Variants in SLC22A24 observed in about 807,000 individuals in gnomAD.
The protein encoded by SLC22A24 is solute carrier family 22 member 24, also known as steroid transmembrane transporter SLC22A24.
Under a neutral mutation model 49.8 loss-of-function variants are expected in SLC22A24, and 53 were observed. The observed-to-expected ratio is 1.06, with a 90% CI of 0.85 to 1.34. The LOEUF is 1.34. SLC22A24 is among the 40% of genes most tolerant of loss of function. The pLI, the probability that SLC22A24 is intolerant of heterozygous loss-of-function variation, is 0.00. For missense variants in SLC22A24, 786 were observed against 675.9 expected (o/e 1.16, Z -1.81); for synonymous variants, 302 against 256.4 (o/e 1.18, Z -1.70).
chr11:63,081,536 A>T, intron 8 of SLC22A24, 22 bp downstream of exon 8: 2 of 1,498,324 alleles, frequency 1.3e-6, no homozygotes, highest in Non-Finnish European at 1.8e-6. Flanking sequence ...TTTTGAAACC[A>T]GATGGTCTTT....
chr11:63,135,150 AAT>A (rs1304161191), intron 1 of SLC22A24, among the ~76,000 whole-genome samples: 1 of 152,190 alleles, frequency 6.6e-6, no homozygotes, highest in Non-Finnish European at 1.5e-5. Flanking sequence ...AAATTTTAAA[AAT>A]ATATAAAACC....
intron 2 of SLC22A24, among the ~76,000 whole-genome samples, chr11:63,121,120 C>A (rs1042847050): frequency 6.6e-6 from 1 of 151,996 alleles, no homozygotes; most frequent in Non-Finnish European, 1.5e-5. Context: ...AAACACTGAG[C>A]CCTAAGATAA....
chr11:63,115,736 T>C (rs1442093024), intron 4 of SLC22A24: 1 of 157,270 alleles, frequency 6.4e-6, no homozygotes, highest in East Asian at 1.7e-4. Context: ...TATGGGCAGA[T>C]GTAGAATTCT....
chr11:63,105,451 A>G (rs4451732), intron 4 of SLC22A24, among the ~76,000 whole-genome samples: 121,029 of 152,038 alleles, frequency 0.8, 49,263 homozygotes, highest in East Asian at 0.9. Flanking sequence ...GCATTTCCAT[A>G]CATTCTCTGA....
At position 63,081,002 on chromosome 11, in the gene SLC22A24, T is replaced by C. The variant is rs1273530595; in HGVS notation, c.1516A>G (p.Ile506Val). The change falls in exon 9 of 10, where the codon ATC (isoleucine) becomes GTC (valine). Residue 506 changes from isoleucine (I) to valine (V), a missense_variant. Coordinates refer to ENST00000612278, the MANE Select transcript of SLC22A24 (RefSeq NM_001136506.2). ...LPWISYGVFP[I>V]LAVPVILLLP... ...AGGAGGATAACAGGGACAGCAAGGA[T>C]GGGGAAGACTCCATAGGAAATCCAG... 1 of 1,551,954 alleles carries C rather than the reference T, an allele frequency of 6.4e-7. No individual in the cohort carries two copies.
intron 4 of SLC22A24, among the ~76,000 whole-genome samples, chr11:63,111,403 G>A (rs1408949092): frequency 6.6e-6 from 1 of 151,608 alleles, no homozygotes; most frequent in African/African-American, 2.4e-5. Flanking sequence ...TCTATTGATT[G>A]GAATAGTTTC....
chr11:63,087,158 G>A (rs2086992698), intron 6 of SLC22A24, among the ~76,000 whole-genome samples: 1 of 152,002 alleles, frequency 6.6e-6, no homozygotes, highest in African/African-American at 2.4e-5. Context: ...ATGGCCAAGT[G>A]GGAACAGCTC....
At chr11:63,132,102 G>A (rs1279464511) in intron 2 of SLC22A24, among the ~76,000 whole-genome samples, 1 of 152,132 alleles carries the variant, frequency 6.6e-6, no homozygotes, top group Non-Finnish European at 1.5e-5. Context: ...GCATCACAAA[G>A]TTCTCATGCT....
At chr11:63,081,530 G>T in intron 8 of SLC22A24, 28 bp downstream of exon 8, 1 of 1,474,488 alleles carries the variant, frequency 6.8e-7, no homozygotes, top group Non-Finnish European at 9.3e-7. Flanking sequence ...TTTGTGTTTT[G>T]AAACCAGATG....
At chr11:63,083,115 T>C in intron 7 of SLC22A24, 128 bp downstream of exon 7, 1 of 739,018 alleles carries the variant, frequency 1.4e-6, no homozygotes, top group South Asian at 1.8e-5. Context: ...AACCCTCATA[T>C]TAACTTCAGG....
At position 63,105,988 on chromosome 11, in the gene SLC22A24, T is replaced by A. The variant is rs560500833; in HGVS notation, c.831-1690A>T. 2.0e-5 allele frequency among the ~76,000 whole-genome samples: 3 copies of A among 152,232 alleles called. No individual in the cohort carries two copies. In the East Asian group the frequency reaches 5.8e-4, roughly 29 times the overall value. On this transcript the variant is annotated intron_variant, in intron 4 of 9. Transcript: ENST00000612278. ...GGTACATGTGCACAATGTGCAGGTTTGTTACATATGTATACATGTGCCATG... is the reference window on the plus strand; with the variant it reads ...GGTACATGTGCACAATGTGCAGGTTAGTTACATATGTATACATGTGCCATG...
intron 2 of SLC22A24, among the ~76,000 whole-genome samples, chr11:63,129,177 T>A (rs1248912758): frequency 6.6e-6 from 1 of 152,198 alleles, no homozygotes; most frequent in Non-Finnish European, 1.5e-5. Flanking sequence ...GGGATCCAGT[T>A]TTAGCTTTCT....
intron 5 of SLC22A24, among the ~76,000 whole-genome samples, chr11:63,103,885 A>G (rs1200362469): frequency 6.6e-6 from 1 of 152,216 alleles, no homozygotes; most frequent in Admixed American, 6.5e-5. Context: ...AGTCAGTAAA[A>G]TAGTGAGAAA....
chr11:63,128,439 ACT>A (rs1420290904), intron 2 of SLC22A24, among the ~76,000 whole-genome samples: 2 of 141,930 alleles, frequency 1.4e-5, no homozygotes, highest in Non-Finnish European at 3.1e-5. Flanking sequence ...GTTAGAGAAG[ACT>A]CTGCTCCACC....
chr11:63,109,667 G>A (rs1310701945), intron 4 of SLC22A24, among the ~76,000 whole-genome samples: 3 of 151,798 alleles, frequency 2.0e-5, no homozygotes, highest in Non-Finnish European at 4.4e-5. Context: ...GTCTGTTCAT[G>A]TCCTTTGCCC....
chr11:63,108,090 T>C (rs2087134276), intron 4 of SLC22A24, among the ~76,000 whole-genome samples: 1 of 152,196 alleles, frequency 6.6e-6, no homozygotes, highest in South Asian at 2.1e-4. Flanking sequence ...TAACTCTTAT[T>C]ATTTTGAGAT....
intron 6 of SLC22A24, among the ~76,000 whole-genome samples, chr11:63,091,709 C>T (rs1052448852): frequency 3.9e-5 from 6 of 152,108 alleles, no homozygotes; most frequent in African/African-American, 1.4e-4. Flanking sequence ...ATTCAACACC[C>T]TTTCATGCTA....
chr11:63,095,380 T>G (rs1333516564), intron 6 of SLC22A24, among the ~76,000 whole-genome samples: 1 of 152,014 alleles, frequency 6.6e-6, no homozygotes, highest in African/African-American at 2.4e-5. Context: ...TAAGAGAAAA[T>G]GACCTACAAT....
At chr11:63,130,731 A>G (rs527614875) in intron 2 of SLC22A24, among the ~76,000 whole-genome samples, 18 of 152,088 alleles carry the variant, frequency 1.2e-4, no homozygotes, top group African/African-American at 3.9e-4. Flanking sequence ...GAATTTATCA[A>G]TTTCTTCTAG....
Sources: allele counts gnomAD v4.1 joint callset (sites outside exome capture counted in the v4.1 genomes callset), GRCh38; gene constraint gnomAD v4.1.1; transcripts MANE v1.5; gene names NCBI Gene and HGNC (gene_info 2026-07-23, HGNC 2026-07-21).